ADCY1: variants seen among roughly 807,000 people sequenced by gnomAD.
ADCY1 encodes adenylate cyclase 1, also known as adenylate cyclase type 1.
A neutral mutation model predicts 105.4 loss-of-function variants in ADCY1; 28 were observed. That is an observed-to-expected ratio of 0.27 (90% CI 0.20 to 0.36). The LOEUF is 0.36. ADCY1 is among the 10% of genes least tolerant of loss of function. The pLI, the probability that ADCY1 is intolerant of heterozygous loss-of-function variation, is 1.00. For synonymous variants in ADCY1, 655 were observed against 623.8 expected (o/e 1.05, Z -0.75); for missense variants, 977 against 1,434.2 (o/e 0.68, Z 5.15).
chr7:45,589,467 CAT>C (rs1383304044), intron 1 of ADCY1, among the ~76,000 whole-genome samples: 1 of 152,228 alleles, frequency 6.6e-6, no homozygotes, highest in Non-Finnish European at 1.5e-5. Context: ...GTCATTGTGA[CAT>C]GTGCTAAGCC....
intron 4 of ADCY1, among the ~76,000 whole-genome samples, chr7:45,643,216 A>G (rs896953558): frequency 1.3e-5 from 2 of 151,518 alleles, no homozygotes; most frequent in African/African-American, 2.4e-5. Flanking sequence ...TGGTTTTTCA[A>G]CACCATAATC....
intron 3 of ADCY1, among the ~76,000 whole-genome samples, chr7:45,614,104 C>T (rs189490520): frequency 6.6e-6 from 1 of 152,186 alleles, no homozygotes; most frequent in East Asian, 1.9e-4. Flanking sequence ...TATACATCAA[C>T]AAATACAAAA....
chr7:45,620,310 C>G lies in ADCY1; in HGVS notation c.909-2322C>G, dbSNP rs373251235. Among the ~76,000 whole-genome samples, 367 of 152,074 alleles carry G rather than the reference C, an allele frequency of 2.4e-3. 1 individual carries two copies. Among genetic ancestry groups the G allele is most frequent in the African/African-American group, 8.4e-3 (350 of 41,474 alleles). ...AGATATCTGCTGTACAATATTTTAC[C>G]TATAGTCAACAATAATGTATAGTAC... On this transcript the variant is annotated intron_variant, in intron 3 of 19. Transcript: ENST00000297323.
chr7:45,646,652 C>A (rs1794672950), intron 4 of ADCY1, among the ~76,000 whole-genome samples: 1 of 152,216 alleles, frequency 6.6e-6, no homozygotes, highest in African/African-American at 2.4e-5. Context: ...GTGGACCTAC[C>A]TACCCAGCTC....
chr7:45,704,659 G>T, intron 17 of ADCY1, 43 bp downstream of exon 17: 15 of 1,549,798 alleles, frequency 9.7e-6, no homozygotes, highest in African/African-American at 9.5e-5. Flanking sequence ...CTGGGTCCAA[G>T]CTCTGCCCTA....
At chr7:45,687,316 C>T (rs1046853107) in intron 14 of ADCY1, among the ~76,000 whole-genome samples, 9 of 152,146 alleles carry the variant, frequency 5.9e-5, no homozygotes, top group Admixed American at 3.9e-4. Context: ...GTGATCCTGG[C>T]AATGACTGCC....
At chr7:45,709,264 A>G (rs1283336301) in intron 18 of ADCY1, among the ~76,000 whole-genome samples, 1 of 152,184 alleles carries the variant, frequency 6.6e-6, no homozygotes, top group Non-Finnish European at 1.5e-5. Flanking sequence ...TCTGGTCGGC[A>G]GAGCTACTGA....
rs1128602 is a variant in ADCY1 at position 45,723,097 on chromosome 7, G to A, written c.*9102G>A. Reference sequence around the variant, plus strand: ...GAATCTTATTTAACAAAAATAAAGGGAAAAAATTGCTTGACTAAACTCTGT... The same window carrying A: ...GAATCTTATTTAACAAAAATAAAGGAAAAAAATTGCTTGACTAAACTCTGT... On this transcript the variant is annotated 3_prime_UTR_variant, in exon 20 of 20. Coordinates refer to ENST00000297323, the MANE Select transcript of ADCY1 (RefSeq NM_021116.4). 31,863 of 151,188 alleles carry A rather than the reference G, an allele frequency of 0.21. 3,985 individuals carry two copies. Among genetic ancestry groups the A allele is most frequent in the African/African-American group, 0.35 (14,662 of 41,334 alleles). 9.4% of individuals were successfully genotyped at this position (151,188 alleles called of 1,614,324 possible).
intron 14 of ADCY1, among the ~76,000 whole-genome samples, chr7:45,687,944 A>G (rs1784717491): frequency 1.3e-5 from 2 of 152,214 alleles, no homozygotes; most frequent in East Asian, 1.9e-4. Flanking sequence ...CAGACACCAG[A>G]CAGGCACAGC....
rs1281829667 is a variant in ADCY1, at chr7:45,605,647, A to T, written c.790-4732A>T. On this transcript the variant is annotated intron_variant, in intron 2 of 19. Coordinates refer to ENST00000297323, the MANE Select transcript of ADCY1 (RefSeq NM_021116.4). ...AATTAGCATTACATCCCTGGATTAA[A>T]CCCCATGTGTTTGGGGTATATACTT... is the stretch of plus-strand genomic sequence containing the variant. Among the ~76,000 whole-genome samples the T allele has an allele frequency of 2.6e-5, 4 of 152,034 alleles. No individual in the cohort carries two copies. In the East Asian group the frequency reaches 7.7e-4, roughly 29 times the overall value.
chr7:45,624,344 G>A (rs921106136), intron 4 of ADCY1, among the ~76,000 whole-genome samples: 2 of 152,004 alleles, frequency 1.3e-5, no homozygotes, highest in African/African-American at 2.4e-5. Flanking sequence ...AAGGTAGGAG[G>A]GGCAGGGGGA....
chr7:45,673,447 A>G (rs1463690128), intron 8 of ADCY1, among the ~76,000 whole-genome samples: 1 of 152,164 alleles, frequency 6.6e-6, no homozygotes, highest in African/African-American at 2.4e-5. Context: ...TATAAAGTCA[A>G]TTTCTTTAGA....
Position 45,710,534 on chromosome 7 carries a change from A to G in ADCY1, c.2939A>G (p.Asn980Ser), listed in dbSNP as rs761250033. ...TGCGCTGGCTGTTTTCTAGGCATCA[A>G]TGTTGGCCCTGTGGTGGCTGGAGTG... Reference protein sequence around the residue: ...YNDFVLRVGINVGPVVAGVIG... With the variant: ...YNDFVLRVGISVGPVVAGVIG... The change falls in exon 19 of 20, where the codon AAT becomes AGT. Residue 980 changes from asparagine to serine, a missense_variant. By Grantham distance (46) the Asn-to-Ser change is conservative. Around this residue, in one of 7 missense-constraint regions of ADCY1, gnomAD observed 152 missense variants for 293.7 expected, o/e 0.52. Transcript: ENST00000297323. This position sits in a 1 kb window ranked among gnomAD's most constrained non-coding sequence, Gnocchi z 4.7. 1.5e-5 allele frequency: 24 copies of G among 1,613,726 alleles called. No homozygotes were observed. Among genetic ancestry groups the G allele is most frequent in the Admixed American group, 5.0e-5 (3 of 59,970 alleles).
intron 2 of ADCY1, among the ~76,000 whole-genome samples, chr7:45,598,345 A>G (rs1346954832): frequency 6.6e-6 from 1 of 152,230 alleles, no homozygotes; most frequent in Non-Finnish European, 1.5e-5. Flanking sequence ...AGGCTTACAA[A>G]TAACTGAGCT....
chr7:45,642,556 T>G (rs1364417420), intron 4 of ADCY1, among the ~76,000 whole-genome samples: 1 of 152,234 alleles, frequency 6.6e-6, no homozygotes, highest in Non-Finnish European at 1.5e-5. Context: ...TTCTATGAAC[T>G]GGTAGATCTT....
chr7:45,624,365 G>A (rs755793090), intron 4 of ADCY1, among the ~76,000 whole-genome samples: 2 of 151,196 alleles, frequency 1.3e-5, no homozygotes, highest in African/African-American at 4.8e-5. Flanking sequence ...AGGAGGGTGG[G>A]CATGGGGGAT....
intron 17 of ADCY1, among the ~76,000 whole-genome samples, chr7:45,705,029 A>G (rs914802757): frequency 3.3e-5 from 5 of 152,042 alleles, no homozygotes; most frequent in Non-Finnish European, 5.9e-5. Flanking sequence ...ATAAATACAA[A>G]TAATTATTCT....
chr7:45,679,037 A>G (rs1182177707), intron 10 of ADCY1, among the ~76,000 whole-genome samples: 1 of 152,252 alleles, frequency 6.6e-6, no homozygotes, highest in Non-Finnish European at 1.5e-5. Context: ...TAAACATCAT[A>G]TAAGTAAATG....
rs1191914913 is a variant in ADCY1, at chr7:45,710,751, G to A, written c.3057+99G>A. ...GAATTGAATCCCCAGTCTACAGCCC[G>A]TAAGTGGCAGGGCAGAAAGAGCTGC... is the stretch of plus-strand genomic sequence containing the variant. On this transcript the variant is annotated intron_variant, in intron 19 of 19. Coordinates refer to ENST00000297323, the MANE Select transcript of ADCY1 (RefSeq NM_021116.4). The surrounding 1 kb of genome is among the most constrained non-coding windows in gnomAD (Gnocchi z 4.7). 1.4e-5 allele frequency: 20 copies of A among 1,436,580 alleles called. No homozygotes were observed. Among genetic ancestry groups the A allele is most frequent in the East Asian group, 7.6e-5 (3 of 39,734 alleles). 89.0% of individuals were successfully genotyped at this position (1,436,580 alleles called of 1,614,324 possible).
Sources: allele counts gnomAD v4.1 joint callset (sites outside exome capture counted in the v4.1 genomes callset), GRCh38; gene constraint gnomAD v4.1.1; regional missense constraint gnomAD v4.1.1; non-coding constraint Gnocchi (gnomAD v3.1); transcripts MANE v1.5; gene names NCBI Gene and HGNC (gene_info 2026-07-23, HGNC 2026-07-21).